Variants in KLHL1 observed in about 807,000 individuals in gnomAD.
KLHL1 encodes kelch like family member 1, also known as kelch-like protein 1.
Under a neutral mutation model 77.7 loss-of-function variants are expected in KLHL1, and 47 were observed. The ratio of observed to expected loss-of-function variants is 0.60; its 90% CI spans 0.48 to 0.77. KLHL1 has a LOEUF of 0.77. Among genes scored for constraint, KLHL1 ranks in the 30% least tolerant of loss-of-function variants. The pLI is 0.00. For synonymous variants in KLHL1, 360 were observed against 325.2 expected (o/e 1.11, Z -1.15); for missense variants, 925 against 910.8 (o/e 1.02, Z -0.20).
intron 10 of KLHL1, among the ~76,000 whole-genome samples, chr13:69,703,378 T>G (rs1303161303): frequency 2.6e-5 from 4 of 151,538 alleles, no homozygotes; most frequent in Admixed American, 2.6e-4. Flanking sequence ...CTGGACAATG[T>G]GTTTGTGCTT....
At chr13:69,858,314 C>T (rs1159471295) in intron 5 of KLHL1, among the ~76,000 whole-genome samples, 1 of 152,030 alleles carries the variant, frequency 6.6e-6, no homozygotes, top group Non-Finnish European at 1.5e-5. Flanking sequence ...GAGAGATAGA[C>T]CTAATAAGGA....
intron 1 of KLHL1, among the ~76,000 whole-genome samples, chr13:70,105,228 T>C (rs1056055199): frequency 1.2e-4 from 18 of 152,014 alleles, no homozygotes; most frequent in Admixed American, 1.2e-3. Context: ...ATAAAAATAA[T>C]AAACTATTTT....
At chr13:70,037,729 C>G (rs1886274072) in intron 1 of KLHL1, among the ~76,000 whole-genome samples, 1 of 152,056 alleles carries the variant, frequency 6.6e-6, no homozygotes, top group African/African-American at 2.4e-5. Context: ...AGATTCATAA[C>G]TATTTCCAGT....
At chr13:69,819,808 G>A (rs576289021) in intron 6 of KLHL1, among the ~76,000 whole-genome samples, 2 of 152,144 alleles carry the variant, frequency 1.3e-5, no homozygotes, top group East Asian at 1.9e-4. Flanking sequence ...ACAGAGCAAC[G>A]TGATAATAAA....
At chr13:69,822,278 A>G (rs1298210274) in intron 6 of KLHL1, among the ~76,000 whole-genome samples, 1 of 152,086 alleles carries the variant, frequency 6.6e-6, no homozygotes, top group Non-Finnish European at 1.5e-5. Flanking sequence ...AGATAATCCC[A>G]AAAGAATGAA....
intron 7 of KLHL1, among the ~76,000 whole-genome samples, chr13:69,767,722 T>C (rs963819847): frequency 2.0e-5 from 3 of 152,184 alleles, no homozygotes; most frequent in Non-Finnish European, 4.4e-5. Flanking sequence ...CTCAGTATTT[T>C]GTCTTAATTA....
At chr13:69,921,562 G>A (rs546858129) in intron 4 of KLHL1, among the ~76,000 whole-genome samples, 40 of 152,046 alleles carry the variant, frequency 2.6e-4, no homozygotes, top group Non-Finnish European at 4.9e-4. Flanking sequence ...CCATACCAAC[G>A]CATTGTGAAG....
intron 1 of KLHL1, among the ~76,000 whole-genome samples, chr13:69,986,495 C>A (rs954321606): frequency 2.6e-5 from 4 of 151,934 alleles, no homozygotes; most frequent in African/African-American, 9.7e-5. Context: ...AAACTTCAAA[C>A]ATCAAGTGAA....
intron 7 of KLHL1, among the ~76,000 whole-genome samples, chr13:69,748,039 ATC>A (rs1203138822): frequency 2.0e-5 from 3 of 152,058 alleles, no homozygotes; most frequent in Non-Finnish European, 2.9e-5. Context: ...AAAGTTTACC[ATC>A]TCTCTACTGG....
At chr13:69,704,855 T>G (rs560438189) in intron 10 of KLHL1, among the ~76,000 whole-genome samples, 22 of 151,866 alleles carry the variant, frequency 1.4e-4, no homozygotes, top group African/African-American at 4.6e-4. Context: ...ACGCTGAATG[T>G]AGATATTTCA....
chr13:69,730,927 A>G (rs1250129114), intron 8 of KLHL1, among the ~76,000 whole-genome samples: 1 of 152,156 alleles, frequency 6.6e-6, no homozygotes, highest in African/African-American at 2.4e-5. Context: ...ATCCATGAAT[A>G]GATATACCCA....
At chr13:69,894,535 C>T (rs1301606914) in intron 4 of KLHL1, 1 of 155,124 alleles carries the variant, frequency 6.4e-6, no homozygotes, top group Non-Finnish European at 1.4e-5. Context: ...CCATCAATTT[C>T]ATCTATAAAC....
intron 1 of KLHL1, among the ~76,000 whole-genome samples, chr13:70,017,510 G>A (rs752323318): frequency 4.6e-5 from 7 of 152,162 alleles, no homozygotes; most frequent in South Asian, 2.1e-4. Flanking sequence ...ATCAGTGGCC[G>A]GACCCAACAG....
chr13:69,813,260 T>C (rs1877967218), intron 6 of KLHL1, among the ~76,000 whole-genome samples: 1 of 147,306 alleles, frequency 6.8e-6, no homozygotes, highest in Admixed American at 6.8e-5. Context: ...CACTCATAGG[T>C]GGGAATTGAA....
At chr13:69,946,295 A>G (rs2137247355) in intron 3 of KLHL1, among the ~76,000 whole-genome samples, 1 of 152,206 alleles carries the variant, frequency 6.6e-6, no homozygotes, top group East Asian at 1.9e-4. Context: ...TTATCAAATT[A>G]TACATTTTGT....
intron 1 of KLHL1, among the ~76,000 whole-genome samples, chr13:70,061,174 G>C (rs1028638146): frequency 8.6e-5 from 13 of 152,046 alleles, no homozygotes; most frequent in Admixed American, 7.2e-4. Context: ...CAAATTTTCT[G>C]TTAGTAATCA....
At chr13:69,712,624 G>A (rs1875929277) in intron 9 of KLHL1, among the ~76,000 whole-genome samples, 1 of 151,746 alleles carries the variant, frequency 6.6e-6, no homozygotes, top group African/African-American at 2.4e-5. Context: ...GGTTGTCTTG[G>A]AACTTAGGAC....
intron 5 of KLHL1, among the ~76,000 whole-genome samples, chr13:69,858,255 C>T (rs776337483): frequency 6.6e-6 from 1 of 152,026 alleles, no homozygotes; most frequent in South Asian, 2.1e-4. Flanking sequence ...AACTGACACC[C>T]TCTTGGGGAG....
intron 5 of KLHL1, among the ~76,000 whole-genome samples, chr13:69,853,252 G>A (rs1296894483): frequency 6.6e-6 from 1 of 151,798 alleles, no homozygotes; most frequent in Admixed American, 6.6e-5. Context: ...AAATAATGGG[G>A]GCGTTCACCC....
Sources: gnomAD v4.1 joint callset for allele counts (sites outside exome capture counted in the v4.1 genomes callset) on GRCh38, gnomAD v4.1.1 for gene constraint, MANE v1.5 for transcripts, NCBI Gene and HGNC (gene_info 2026-07-23, HGNC 2026-07-21) for gene names.